ZNF704: variants seen among roughly 807,000 people sequenced by gnomAD.
ZNF704 encodes the protein glucocorticoid induced gene 1.
ZNF704 carries 10 observed loss-of-function variants against 44.7 expected under a neutral mutation model. That is an observed-to-expected ratio of 0.22 (90% CI 0.14 to 0.38). The LOEUF is 0.38. ZNF704 is among the 10% of genes least tolerant of loss of function. The probability of loss-of-function intolerance (pLI) is 1.00; values close to 1 mark genes in which losing one functional copy is unlikely to be tolerated. For missense variants in ZNF704, 390 were observed against 545.5 expected, an observed-to-expected ratio of 0.71 and a Z score of 2.84; for synonymous variants, 211 against 207.6, an observed-to-expected ratio of 1.02 and a Z score of -0.14.
chr8:80,853,828 G>T (rs556038295), intron 1 of ZNF704, among the ~76,000 whole-genome samples: 38 of 152,234 alleles, frequency 2.5e-4, no homozygotes, highest in African/African-American at 8.9e-4. Flanking sequence ...AGCAATGGGT[G>T]TTTTCTGGGG....
chr8:80,777,583 G>A (rs1325707695), intron 2 of ZNF704, among the ~76,000 whole-genome samples: 1 of 151,976 alleles, frequency 6.6e-6, no homozygotes, highest in Non-Finnish European at 1.5e-5. Flanking sequence ...TGAATCATAT[G>A]AAAGTAACCC....
At chr8:80,717,823 C>T (rs6998595) in intron 2 of ZNF704, among the ~76,000 whole-genome samples, 6,592 of 152,206 alleles carry the variant, frequency 0.043, 506 homozygotes, top group African/African-American at 0.15. Flanking sequence ...TTTGATGACT[C>T]TATATTACTT....
chr8:80,878,071 A>C (rs1165905197), upstream of ZNF704, among the ~76,000 whole-genome samples: 1 of 152,160 alleles, frequency 6.6e-6, no homozygotes, highest in Non-Finnish European at 1.5e-5. Context: ...TCAAAGTTTG[A>C]GAAGCACTGC....
intron 2 of ZNF704, among the ~76,000 whole-genome samples, chr8:80,790,980 G>A (rs1261349519): frequency 6.6e-6 from 1 of 152,078 alleles, no homozygotes; most frequent in Non-Finnish European, 1.5e-5. Context: ...GTGAATGAAG[G>A]AAGAAAGTGT....
At chr8:80,839,576 A>G (rs1808640688) in intron 1 of ZNF704, among the ~76,000 whole-genome samples, 1 of 152,246 alleles carries the variant, frequency 6.6e-6, no homozygotes, top group Admixed American at 6.5e-5. Flanking sequence ...TGCTTATCAT[A>G]AACGTAATTC....
intron 2 of ZNF704, among the ~76,000 whole-genome samples, chr8:80,710,322 T>C (rs1170901342): frequency 6.6e-6 from 1 of 152,194 alleles, no homozygotes; most frequent in Admixed American, 6.5e-5. Flanking sequence ...CTGTTCAGCC[T>C]GTATATTCAT....
At chr8:80,695,450 C>A (rs1294658233) in intron 2 of ZNF704, among the ~76,000 whole-genome samples, 2 of 152,226 alleles carry the variant, frequency 1.3e-5, no homozygotes, top group Non-Finnish European at 2.9e-5. Flanking sequence ...GGCCCGTGCA[C>A]CTGGTATAGG....
chr8:80,699,921 C>A (rs1018042129), intron 2 of ZNF704, among the ~76,000 whole-genome samples: 2 of 152,130 alleles, frequency 1.3e-5, no homozygotes, highest in African/African-American at 4.8e-5. Flanking sequence ...TACCCAGGCT[C>A]TCCCTTGTAG....
intron 2 of ZNF704, among the ~76,000 whole-genome samples, chr8:80,732,276 T>G (rs1192594658): frequency 2.0e-5 from 3 of 152,234 alleles, no homozygotes; most frequent in Non-Finnish European, 4.4e-5. Context: ...TCCTGGTTAC[T>G]AATTTTCTCT....
At chr8:80,686,893 C>T (rs1369863980) in intron 4 of ZNF704, among the ~76,000 whole-genome samples, 1 of 151,846 alleles carries the variant, frequency 6.6e-6, no homozygotes, top group South Asian at 2.1e-4. Flanking sequence ...AAAATAAGTC[C>T]CACGAAGAGA....
intron 2 of ZNF704, among the ~76,000 whole-genome samples, chr8:80,811,306 T>C (rs1369048029): frequency 6.6e-6 from 1 of 152,260 alleles, no homozygotes; most frequent in East Asian, 1.9e-4. Context: ...TTAAATAATA[T>C]GAGTTATTAA....
intron 2 of ZNF704, among the ~76,000 whole-genome samples, chr8:80,797,280 T>G (rs1389234115): frequency 6.6e-6 from 1 of 152,094 alleles, no homozygotes; most frequent in Non-Finnish European, 1.5e-5. Context: ...CTCTCACAGC[T>G]CCACTAGGCA....
At chr8:80,734,420 G>A (rs1806632066) in intron 2 of ZNF704, among the ~76,000 whole-genome samples, 1 of 152,146 alleles carries the variant, frequency 6.6e-6, no homozygotes. Context: ...AATATATAAG[G>A]AAGTCTTATA....
the ZNF704 span, among the ~76,000 whole-genome samples, chr8:80,880,047 CTCTGTCTCTG>C: frequency 6.6e-6 from 1 of 152,168 alleles, no homozygotes; most frequent in African/African-American, 2.4e-5. Flanking sequence ...CTGTCTCTGT[CTCTGTCTCTG>C]TCTGTCTCTT....
intron 2 of ZNF704, among the ~76,000 whole-genome samples, chr8:80,784,705 C>T (rs1205365033): frequency 6.6e-6 from 1 of 152,142 alleles, no homozygotes; most frequent in Non-Finnish European, 1.5e-5. Flanking sequence ...TTCTCCTTCG[C>T]TTGACACTGT....
chr8:80,651,988 A>C (rs1178488048), intron 7 of ZNF704, among the ~76,000 whole-genome samples: 2 of 152,080 alleles, frequency 1.3e-5, no homozygotes, highest in Non-Finnish European at 2.9e-5. Context: ...CAGTGCAATC[A>C]AACTAGAACT....
chr8:80,754,597 G>A (rs1319843592), intron 2 of ZNF704, among the ~76,000 whole-genome samples: 1 of 152,152 alleles, frequency 6.6e-6, no homozygotes, highest in African/African-American at 2.4e-5. Context: ...ATGGATAAAT[G>A]CAAAAAGAAA....
At chr8:80,728,331 A>G (rs1806519327) in intron 2 of ZNF704, among the ~76,000 whole-genome samples, 1 of 152,194 alleles carries the variant, frequency 6.6e-6, no homozygotes, top group Admixed American at 6.5e-5. Context: ...TACAGGCCAC[A>G]ATACAGCTCT....
chr8:80,862,266 A>G (rs1301406424), intron 1 of ZNF704, among the ~76,000 whole-genome samples: 1 of 151,984 alleles, frequency 6.6e-6, no homozygotes, highest in East Asian at 1.9e-4. Flanking sequence ...TAACACATAA[A>G]GCTAGGCATA....
Sources: gnomAD v4.1 joint callset for allele counts (sites outside exome capture counted in the v4.1 genomes callset) on GRCh38, gnomAD v4.1.1 for gene constraint, MANE v1.5 for transcripts, NCBI Gene and HGNC (gene_info 2026-07-23, HGNC 2026-07-21) for gene names.